Variants in SLCO4A1 observed in about 807,000 individuals in gnomAD.
SLCO4A1 encodes the protein solute carrier organic anion transporter family member 4A1.
In SLCO4A1, 51 loss-of-function variants were observed where a neutral mutation model predicts 64.6. The ratio of observed to expected loss-of-function variants is 0.79; its 90% CI spans 0.63 to 1.00. The LOEUF is 1.00. Ranked by LOEUF, SLCO4A1 falls within the 50% of genes least tolerant of loss-of-function variation. SLCO4A1 has a pLI of 0.00. For missense variants in SLCO4A1, 919 were observed against 980.5 expected (o/e 0.94, Z 0.84); for synonymous variants, 471 against 444.9 (o/e 1.06, Z -0.74).
intron 1 of SLCO4A1, among the ~76,000 whole-genome samples, chr20:62,654,043 A>G (rs1365626085): frequency 6.6e-6 from 1 of 151,042 alleles, no homozygotes; most frequent in African/African-American, 2.5e-5. Context: ...GTATAATAAT[A>G]AAAAAAAATA....
downstream of SLCO4A1, among the ~76,000 whole-genome samples, chr20:62,689,166 C>G (rs543515142): frequency 3.9e-5 from 6 of 152,136 alleles, no homozygotes; most frequent in Non-Finnish European, 8.8e-5. Flanking sequence ...CCCCGCGCCT[C>G]GTAGGCCTGT....
At chr20:62,674,094 C>A (rs116046190), downstream of SLCO4A1, among the ~76,000 whole-genome samples, 630 of 152,306 alleles carry the variant, frequency 4.1e-3, 5 homozygotes, top group African/African-American at 0.015. Flanking sequence ...TCCTAGAGTC[C>A]CACGAGACCA....
rs751897294 is a variant in SLCO4A1 at position 62,657,091 on chromosome 20, G to A, written c.637G>A (p.Gly213Ser). The A allele has an allele frequency of 2.6e-5, 41 of 1,600,480 alleles. No homozygotes were observed. Among genetic ancestry groups the A allele is most frequent in the Non-Finnish European group, 2.8e-5 (33 of 1,175,602 alleles). Residue 213 changes from glycine (G) to serine (S), a missense_variant, in exon 2 of 12, where the codon GGC becomes AGC. Physicochemically the swap from Gly to Ser is moderately conservative, Grantham distance 56. Coordinates refer to ENST00000217159, the MANE Select transcript of SLCO4A1 (RefSeq NM_016354.4). ...AGVRTCPANP[G>S]AVCADSTSGL... is the part of the protein sequence containing the mutation. Reference sequence around the variant, plus strand: ...TGTCAGGACGTGCCCTGCCAACCCCGGCGCGGTGTGTGCGGACAGCACCTC... The same window carrying A: ...TGTCAGGACGTGCCCTGCCAACCCCAGCGCGGTGTGTGCGGACAGCACCTC...
In SLCO4A1 at chr20:62,656,698, C is replaced by T. The variant is rs745910276; in HGVS notation, c.244C>T (p.Gln82Ter). The T allele has an allele frequency of 2.5e-6, 4 of 1,610,048 alleles. No homozygotes were observed. In the Admixed American group the frequency reaches 6.7e-5, roughly 27 times the overall value. Reference protein sequence around the residue: ...THEVRYVSAGQSVACGWWAFA... With the variant: ...THEVRYVSAG ...TGAGGTGCGGTACGTCTCGGCCGGGCAGAGCGTGGCGTGCGGCTGGTGGGC... is the reference window on the plus strand; with the variant it reads ...TGAGGTGCGGTACGTCTCGGCCGGGTAGAGCGTGGCGTGCGGCTGGTGGGC... Residue 82 changes from glutamine (Q) to a stop codon, truncating the protein, a stop_gained, in exon 2 of 12, where the codon CAG becomes TAG. Coordinates refer to ENST00000217159, the MANE Select transcript of SLCO4A1 (RefSeq NM_016354.4). LOFTEE classifies it high-confidence loss of function.
chr20:62,653,586 C>T (rs1261775551), intron 1 of SLCO4A1, among the ~76,000 whole-genome samples: 2 of 152,338 alleles, frequency 1.3e-5, no homozygotes, highest in South Asian at 4.1e-4. Context: ...TCACCGGCTG[C>T]GCCTCCGCTC....
chr20:62,668,197 C>G lies in SLCO4A1; in HGVS notation c.1811+13C>G. ...CGGCAACTCTACGGTAAGCTGGGGT[C>G]GGGTGTGCGCTTGTCCAGAGCTTTC... On this transcript the variant is annotated intron_variant, in intron 9 of 11. Transcript: ENST00000217159. The G allele has an allele frequency of 3.7e-6, 6 of 1,613,430 alleles. No individual in the cohort carries two copies. The highest frequency in any genetic ancestry group is 5.1e-6 in the Non-Finnish European group (6 of 1,179,636).
In SLCO4A1 at chr20:62,656,854, CG is replaced by C; in HGVS notation, c.401del (p.Arg134ProfsTer148). On this transcript the variant is annotated frameshift_variant, in exon 2 of 12. Coordinates refer to ENST00000217159, the MANE Select transcript of SLCO4A1 (RefSeq NM_016354.4). LOFTEE classifies it high-confidence loss of function. ...CACAGTCATCACCTCCCTGGAGCGC[CG>C]CTATGACCTGCACAGCTACCAGAGC... is the stretch of plus-strand genomic sequence containing the variant. ...INTVITSLERRYDLHSYQSGL... is the reference protein window; with the variant it reads ...INTVITSLERXYDLHSYQSGL... The C allele has an allele frequency of 6.2e-7, 1 of 1,602,700 alleles. No homozygotes were observed. Among genetic ancestry groups the C allele is most frequent in the South Asian group, 1.1e-5 (1 of 90,418 alleles).
chr20:62,676,981 C>A (rs990887015), downstream of SLCO4A1, among the ~76,000 whole-genome samples: 5 of 152,210 alleles, frequency 3.3e-5, no homozygotes, highest in East Asian at 9.6e-4. Context: ...TGAAGCCCTG[C>A]GCTATGGTGT....
At position 62,661,016 on chromosome 20, in the gene SLCO4A1, T is replaced by G; in HGVS notation, c.1010-48T>G. The stretch of plus-strand genomic sequence containing the variant: ...AGAGCCTCTCTCGGAGAAGTCCACC[T>G]CCGGGAGCCCCCAGCCCCCAGCCCC... On this transcript the variant is annotated intron_variant, in intron 4 of 11. Transcript: ENST00000217159. The surrounding 1 kb of genome is among the most constrained non-coding windows in gnomAD (Gnocchi z 5.2). 3.3e-6 allele frequency: 2 copies of G among 601,150 alleles called. No individual in the cohort carries two copies. The highest frequency in any genetic ancestry group is 5.4e-6 in the Non-Finnish European group (2 of 367,434). The allele number at this position is 601,150 out of a possible 1,614,324, so 37.2% of individuals were successfully genotyped here. A position where few individuals can be genotyped will look rare whatever the true frequency, so the allele number is the denominator to read the frequency against.
chr20:62,668,361 C>T, intron 9 of SLCO4A1, 116 bp from the exon 10 acceptor site: 3 of 1,304,684 alleles, frequency 2.3e-6, no homozygotes, highest in Non-Finnish European at 2.2e-6. Context: ...GGGCTTCCCA[C>T]TTGGGGGGGG....
chr20:62,667,801 G>A lies in SLCO4A1; in HGVS notation c.1529G>A (p.Cys510Tyr), dbSNP rs1986640462. The A allele has an allele frequency of 6.2e-7, 1 of 1,612,310 alleles. No individual in the cohort carries two copies. The highest frequency in any genetic ancestry group is 1.3e-5 in the African/African-American group (1 of 74,908). Residue 510 changes from cysteine to tyrosine, a missense_variant, in exon 8 of 12, where the codon TGC becomes TAC. Transcript: ENST00000217159. ...GCTCCCTGCAACGCTGCCTGCAGCT[G>A]CCAGCCAGAACACTACAGCCCTGTG... Reference protein sequence around the residue: ...LTAPCNAACSCQPEHYSPVCG... With the variant: ...LTAPCNAACSYQPEHYSPVCG...
intron 10 of SLCO4A1, 45 bp from the exon 11 acceptor site, chr20:62,668,885 C>T: frequency 1.3e-6 from 2 of 1,582,978 alleles, no homozygotes; most frequent in Non-Finnish European, 1.7e-6. Context: ...CTGCCTAGCC[C>T]CTACCCACCA....
chr20:62,668,978 G>C lies in SLCO4A1; in HGVS notation c.1925G>C (p.Cys642Ser). ...TTCGGCTGGGTGATCGACAAGGCCT[G>C]TCTGCTGTGGCAGGACCAGTGTGGC... is the stretch of plus-strand genomic sequence containing the variant. Reference protein sequence around the residue: ...IAFGWVIDKACLLWQDQCGQQ... With the variant: ...IAFGWVIDKASLLWQDQCGQQ... Residue 642 changes from cysteine (C) to serine (S), a missense_variant, in exon 11 of 12, where the codon TGT (cysteine) becomes TCT (serine). Cys to Ser is a moderately radical substitution (Grantham distance 112). Transcript: ENST00000217159. 1 of 1,610,212 alleles carries C rather than the reference G, an allele frequency of 6.2e-7. No individual in the cohort carries two copies. The highest frequency in any genetic ancestry group is 8.5e-7 in the Non-Finnish European group (1 of 1,180,000).
intron 9 of SLCO4A1, 112 bp from the exon 10 acceptor site, chr20:62,668,363 TGG>T: frequency 2.4e-6 from 3 of 1,226,974 alleles, no homozygotes; most frequent in Non-Finnish European, 2.4e-6. Context: ...GCTTCCCACT[TGG>T]GGGGGGGTGA....
At position 62,644,361 on chromosome 20, in the gene SLCO4A1, C is replaced by T. The variant is rs984429513; in HGVS notation, c.-97+1808C>T. On this transcript the variant is annotated intron_variant, in intron 1 of 11. Transcript: ENST00000217159. This position sits in a 1 kb window ranked among gnomAD's most constrained non-coding sequence, Gnocchi z 5.4. The stretch of plus-strand genomic sequence containing the variant: ...AAATTCTTCATGAGGGAGCTTCCCT[C>T]CCGAGTGGCCGTGACCTAATCTGTA... 6.6e-6 allele frequency among the ~76,000 whole-genome samples: 1 copy of T among 152,256 alleles called. No individual in the cohort carries two copies. Among genetic ancestry groups the T allele is most frequent in the African/African-American group, 2.4e-5 (1 of 41,470 alleles).
chr20:62,671,196 T>G (rs1203319044), intron 11 of SLCO4A1, among the ~76,000 whole-genome samples: 1 of 152,198 alleles, frequency 6.6e-6, no homozygotes, highest in Admixed American at 6.5e-5. Flanking sequence ...CTGTGTGAGG[T>G]TCCTGTGGCC....
chr20:62,690,490 A>C (rs961212244), downstream of SLCO4A1, among the ~76,000 whole-genome samples: 1 of 152,212 alleles, frequency 6.6e-6, no homozygotes, highest in Non-Finnish European at 1.5e-5. Context: ...GCCGCAGGCC[A>C]GAGCCCTGGC....
In SLCO4A1 at chr20:62,660,334, C is replaced by T. The variant is rs111872333; in HGVS notation, c.888-78C>T. ...CTGGAGGTCTGCCCGGAGGAGGGGC[C>T]AGCAGCCCCCAGTGTGTGTGCCATG... On this transcript the variant is annotated intron_variant, in intron 3 of 11. Coordinates refer to ENST00000217159, the MANE Select transcript of SLCO4A1 (RefSeq NM_016354.4). 2,577 of 1,538,216 alleles carry T rather than the reference C, an allele frequency of 1.7e-3. 39 individuals are homozygous for T. The African/African-American group carries it at 0.025, about 15-fold the overall frequency.
chr20:62,657,249 T>G lies in SLCO4A1; in HGVS notation c.795T>G (p.Ile265Met). The change falls in exon 2 of 12, where the codon ATT becomes ATG. Residue 265 changes from isoleucine (I) to methionine (M), a missense_variant and splice_region_variant. By Grantham distance (10) the Ile-to-Met change is conservative. Transcript: ENST00000217159. ...NVKSSCSPVY[I>M]AIFYTAAILG... ...AGTCCAGCTGCTCGCCCGTCTACAT[T>G]GGTGAGTGGGGCTGGCGGGGTAAGT... The G allele has an allele frequency of 6.6e-7, 1 of 1,521,920 alleles. No individual in the cohort carries two copies. Among genetic ancestry groups the G allele is most frequent in the Non-Finnish European group, 8.9e-7 (1 of 1,126,874 alleles). The allele number at this position is 1,521,920 out of a possible 1,614,324, so 94.3% of individuals were successfully genotyped here. A position where few individuals can be genotyped will look rare whatever the true frequency, so the allele number is the denominator to read the frequency against.
Sources: allele counts gnomAD v4.1 joint callset (sites outside exome capture counted in the v4.1 genomes callset), GRCh38; gene constraint gnomAD v4.1.1; non-coding constraint Gnocchi (gnomAD v3.1); transcripts MANE v1.5; gene names NCBI Gene and HGNC (gene_info 2026-07-23, HGNC 2026-07-21).